Variants in EAF2 observed in about 807,000 individuals in gnomAD.
The protein encoded by EAF2 is ELL associated factor 2, also known as ELL-associated factor 2.
Under a neutral mutation model 29.4 loss-of-function variants are expected in EAF2, and 29 were observed. That is an observed-to-expected ratio of 0.99 (90% CI 0.73 to 1.35). The LOEUF (loss-of-function observed/expected upper bound fraction) is 1.35. EAF2 is among the 40% of genes most tolerant of loss of function. The pLI is 0.00. For missense variants in EAF2, 292 were observed against 312.0 expected (o/e 0.94, Z 0.48); for synonymous variants, 103 against 102.5 (o/e 1.00, Z -0.03).
At chr3:121,870,001 A>T (rs1315278457) in intron 4 of EAF2, among the ~76,000 whole-genome samples, 3 of 152,224 alleles carry the variant, frequency 2.0e-5, no homozygotes, top group Admixed American at 2.0e-4. Flanking sequence ...AAGGCGAAGT[A>T]AGCAACTTGA....
intron 4 of EAF2, among the ~76,000 whole-genome samples, chr3:121,862,810 A>T (rs1708856913): frequency 6.6e-6 from 1 of 152,036 alleles, no homozygotes; most frequent in African/African-American, 2.4e-5. Context: ...CTTTTATCCC[A>T]AAAGGTAGAT....
intron 1 of EAF2, chr3:121,836,358 T>C (rs1286773469): frequency 6.6e-6 from 1 of 152,304 alleles, no homozygotes; most frequent in African/African-American, 2.4e-5. Flanking sequence ...TAGAGACCTT[T>C]ATGGTTTTTA....
intron 1 of EAF2, among the ~76,000 whole-genome samples, chr3:121,842,310 A>G (rs1708449783): frequency 6.6e-6 from 1 of 152,238 alleles, no homozygotes; most frequent in Admixed American, 6.5e-5. Context: ...CTTCATTTAT[A>G]CTGTATATAT....
chr3:121,836,014 T>C (rs551915283), intron 1 of EAF2, among the ~76,000 whole-genome samples: 9 of 152,234 alleles, frequency 5.9e-5, no homozygotes, highest in Non-Finnish European at 1.0e-4. Flanking sequence ...TACCCTTTGG[T>C]TTTCTTTATG....
intron 2 of EAF2, among the ~76,000 whole-genome samples, chr3:121,851,489 T>C (rs984709303): frequency 2.0e-5 from 3 of 152,218 alleles, no homozygotes; most frequent in Non-Finnish European, 4.4e-5. Flanking sequence ...ACTTATTTTA[T>C]ATTTTATTTT....
chr3:121,864,526 C>G (rs1435129294), intron 4 of EAF2, among the ~76,000 whole-genome samples: 2 of 152,066 alleles, frequency 1.3e-5, no homozygotes, highest in Admixed American at 1.3e-4. Flanking sequence ...ATCATTAACA[C>G]ATTAAATTGC....
rs1708238802 is a variant in EAF2 at position 121,835,389 on chromosome 3, G to T, written c.104G>T (p.Arg35Leu). ...KQPRCAFHTV[R>L]YDFKPASIDT... ...CCGCGCTGCGCCTTCCACACTGTGCGCTGTGAGTGAGGACCATCCGGGGAT... is the reference window on the plus strand; with the variant it reads ...CCGCGCTGCGCCTTCCACACTGTGCTCTGTGAGTGAGGACCATCCGGGGAT... Residue 35 changes from arginine to leucine, a missense_variant and splice_region_variant, in exon 1 of 6, where the codon CGC becomes CTC. Transcript: ENST00000273668. 1.9e-6 allele frequency: 3 copies of T among 1,613,744 alleles called. No homozygotes were observed. Among genetic ancestry groups the T allele is most frequent in the Non-Finnish European group, 2.5e-6 (3 of 1,179,698 alleles).
intron 2 of EAF2, among the ~76,000 whole-genome samples, chr3:121,849,748 C>T (rs10511407): frequency 0.1 from 15,407 of 151,770 alleles, 826 homozygotes; most frequent in South Asian, 0.15. Context: ...TTTACTTAGC[C>T]GACACAGGAA....
chr3:121,838,031 G>T (rs1386466965), intron 1 of EAF2, among the ~76,000 whole-genome samples: 1 of 152,118 alleles, frequency 6.6e-6, no homozygotes, highest in Non-Finnish European at 1.5e-5. Flanking sequence ...TTTTGGAGTT[G>T]GTTGAATTCA....
At chr3:121,881,673 C>A (rs1176342467) in intron 5 of EAF2, among the ~76,000 whole-genome samples, 1 of 151,844 alleles carries the variant, frequency 6.6e-6, no homozygotes, top group African/African-American at 2.4e-5. Flanking sequence ...CCACACCCGG[C>A]TAATTTTTTT....
intron 5 of EAF2, among the ~76,000 whole-genome samples, chr3:121,877,651 C>CAAT (rs72587271): frequency 6.6e-6 from 1 of 150,428 alleles, no homozygotes; most frequent in African/African-American, 2.4e-5. Context: ...TATAATTGAA[C>CAAT]ATTAAAAAAT....
At chr3:121,844,761 GA>G (rs1052273926) in intron 2 of EAF2, among the ~76,000 whole-genome samples, 1 of 151,820 alleles carries the variant, frequency 6.6e-6, no homozygotes, top group Non-Finnish European at 1.5e-5. Context: ...CAAATGATTT[GA>G]AAAAAAATTA....
At chr3:121,845,929 T>C (rs1015549566) in intron 2 of EAF2, among the ~76,000 whole-genome samples, 1 of 152,200 alleles carries the variant, frequency 6.6e-6, no homozygotes, top group Non-Finnish European at 1.5e-5. Context: ...TTAGAAATTT[T>C]TGAGTATTCA....
At chr3:121,869,727 A>G (rs1708980044) in intron 4 of EAF2, among the ~76,000 whole-genome samples, 1 of 151,696 alleles carries the variant, frequency 6.6e-6, no homozygotes, top group Non-Finnish European at 1.5e-5. Context: ...TTTTTTTTTT[A>G]GATTACTCAG....
intron 5 of EAF2, among the ~76,000 whole-genome samples, chr3:121,876,424 G>A (rs1186714719): frequency 6.6e-6 from 1 of 151,690 alleles, no homozygotes; most frequent in Non-Finnish European, 1.5e-5. Context: ...AAAGAAAAGT[G>A]AAAACAGAAG....
Position 121,844,521 on chromosome 3 carries a change from G to A in EAF2, c.175G>A (p.Val59Met), listed in dbSNP as rs767896628. ...CCTTGAGGTTGGTGAAGGTGAACAG[G>A]TGACCATAACTCTGCCAAATATAGA... Reference protein sequence around the residue: ...GYLEVGEGEQVTITLPNIEGS... With the variant: ...GYLEVGEGEQMTITLPNIEGS... The change falls in exon 2 of 6, where the codon GTG (valine) becomes ATG (methionine). Residue 59 changes from valine to methionine, a missense_variant. By Grantham distance (21) the Val-to-Met change is conservative. Transcript: ENST00000273668. The A allele has an allele frequency of 3.7e-6, 6 of 1,610,454 alleles. No individual in the cohort carries two copies. The highest frequency in any genetic ancestry group is 2.2e-5 in the East Asian group (1 of 44,532).
chr3:121,843,009 A>C (rs1201084940), intron 1 of EAF2, among the ~76,000 whole-genome samples: 1 of 152,194 alleles, frequency 6.6e-6, no homozygotes, highest in African/African-American at 2.4e-5. Flanking sequence ...TGTATCTTAA[A>C]ATCTAGGAAT....
chr3:121,841,688 C>T (rs1018997874), intron 1 of EAF2, among the ~76,000 whole-genome samples: 14 of 151,516 alleles, frequency 9.2e-5, no homozygotes, highest in African/African-American at 3.2e-4. Context: ...GCCTGACCAA[C>T]ATGGTGAAAC....
intron 5 of EAF2, among the ~76,000 whole-genome samples, chr3:121,883,113 A>G (rs1709218600): frequency 6.6e-6 from 1 of 152,208 alleles, no homozygotes; most frequent in African/African-American, 2.4e-5. Context: ...AGAAGATACA[A>G]TGAAGTAACC....
Sources: gnomAD v4.1 joint callset for allele counts (sites outside exome capture counted in the v4.1 genomes callset) on GRCh38, gnomAD v4.1.1 for gene constraint, MANE v1.5 for transcripts, NCBI Gene and HGNC (gene_info 2026-07-23, HGNC 2026-07-21) for gene names.